Variants in ATP2B2 observed in about 807,000 individuals in gnomAD.
ATP2B2 encodes ATPase plasma membrane Ca2+ transporting 2.
Under a neutral mutation model 120.0 loss-of-function variants are expected in ATP2B2, and 15 were observed. That is an observed-to-expected ratio of 0.12 (90% CI 0.08 to 0.19). The LOEUF is 0.19. ATP2B2 is among the 10% of genes least tolerant of loss of function. The pLI is 1.00. For missense variants in ATP2B2, 1,045 were observed against 1,719.8 expected, an observed-to-expected ratio of 0.61 and a Z score of 6.94; for synonymous variants, 694 against 700.3, an observed-to-expected ratio of 0.99 and a Z score of 0.14.
chr3:10,524,068 T>C (rs969717784), intron 3 of ATP2B2, among the ~76,000 whole-genome samples: 1 of 152,214 alleles, frequency 6.6e-6, no homozygotes, highest in Non-Finnish European at 1.5e-5. Flanking sequence ...CATCCAGAGT[T>C]GGCTGGAGGC....
At chr3:10,433,584 G>A (rs2063388153) in intron 2 of ATP2B2, among the ~76,000 whole-genome samples, 1 of 152,202 alleles carries the variant, frequency 6.6e-6, no homozygotes, top group Non-Finnish European at 1.5e-5. Flanking sequence ...GGTAAAAAGT[G>A]TGTGTCCCCC....
At chr3:10,341,083 G>A (rs749371001) in intron 19 of ATP2B2, among the ~76,000 whole-genome samples, 4 of 152,140 alleles carry the variant, frequency 2.6e-5, no homozygotes, top group African/African-American at 7.2e-5. Flanking sequence ...GCGCTGCCCC[G>A]AGAGTGCTGC....
intron 22 of ATP2B2, among the ~76,000 whole-genome samples, chr3:10,337,463 C>T (rs2060149550): frequency 6.6e-6 from 1 of 152,154 alleles, no homozygotes; most frequent in African/African-American, 2.4e-5. Context: ...ACACCTGCTC[C>T]AGGCATAAGG....
At chr3:10,425,500 G>T (rs566325984) in intron 2 of ATP2B2, among the ~76,000 whole-genome samples, 2 of 152,274 alleles carry the variant, frequency 1.3e-5, no homozygotes, top group East Asian at 3.9e-4. Flanking sequence ...CCCTGAGGGA[G>T]TCACTTCACC....
intron 16 of ATP2B2, among the ~76,000 whole-genome samples, chr3:10,349,251 G>T (rs1253104132): frequency 6.6e-6 from 1 of 152,174 alleles, no homozygotes; most frequent in Non-Finnish European, 1.5e-5. Flanking sequence ...CCAGGAGTTT[G>T]CAACCAGCCT....
intron 1 of ATP2B2, among the ~76,000 whole-genome samples, chr3:10,661,386 G>A (rs1330600972): frequency 6.6e-6 from 1 of 152,164 alleles, no homozygotes; most frequent in Admixed American, 6.5e-5. Context: ...AGCTGAATAA[G>A]CAACTTCAGC....
chr3:10,639,533 C>T (rs1028179249), intron 1 of ATP2B2, among the ~76,000 whole-genome samples: 3 of 152,172 alleles, frequency 2.0e-5, no homozygotes, highest in African/African-American at 7.2e-5. Flanking sequence ...GGGCTTCTCC[C>T]TCAAGACCTA....
intron 2 of ATP2B2, among the ~76,000 whole-genome samples, chr3:10,582,886 C>T (rs1416286957): frequency 2.0e-5 from 3 of 152,232 alleles, no homozygotes; most frequent in African/African-American, 7.2e-5. Flanking sequence ...CTGCATCTAC[C>T]AGCAGCATAG....
rs577495951 is a variant in ATP2B2 at position 10,659,367 on chromosome 3, A to C, written c.-459-39406T>G. 2.0e-5 allele frequency among the ~76,000 whole-genome samples: 3 copies of C among 152,356 alleles called. No individual in the cohort carries two copies. In the East Asian group the frequency reaches 5.8e-4, roughly 29 times the overall value. On this transcript the variant is annotated intron_variant, in intron 1 of 21. Transcript: ENST00000646379. ...GGAAACCCATCTCATGTGCAGAGAC[A>C]CACATAGGCTCAAAATAAAGGGATG...
intron 5 of ATP2B2, among the ~76,000 whole-genome samples, chr3:10,391,915 CTG>C (rs1240402941): frequency 6.6e-6 from 1 of 152,186 alleles, no homozygotes. Flanking sequence ...GCACAGTTCA[CTG>C]GGCCTTGGTG....
chr3:10,584,171 G>A (rs1168791115), intron 2 of ATP2B2, among the ~76,000 whole-genome samples: 1 of 152,142 alleles, frequency 6.6e-6, no homozygotes, highest in East Asian at 1.9e-4. Flanking sequence ...GGGTGGGAGG[G>A]GGCAGAGGCA....
At chr3:10,528,942 A>G (rs1053930740) in intron 3 of ATP2B2, among the ~76,000 whole-genome samples, 1 of 152,198 alleles carries the variant, frequency 6.6e-6, no homozygotes, top group African/African-American at 2.4e-5. Flanking sequence ...GGGGAAGCTT[A>G]GTTAACTTTC....
intron 8 of ATP2B2, among the ~76,000 whole-genome samples, chr3:10,380,135 C>G (rs2061492567): frequency 6.6e-6 from 1 of 152,224 alleles, no homozygotes. Context: ...ATACCAGGGC[C>G]TGGTGCTGCA....
In ATP2B2 at chr3:10,575,820, T is replaced by C. The variant is rs528198652; in HGVS notation, c.-414-41687A>G. 3.3e-5 allele frequency among the ~76,000 whole-genome samples: 5 copies of C among 152,300 alleles called. No homozygotes were observed. In the South Asian group the frequency reaches 1.0e-3, roughly 32 times the overall value. On this transcript the variant is annotated intron_variant, in intron 2 of 21. Transcript: ENST00000646379. ...TGCATTTGGGAGTTTTGCCCAAATCTATGGGCTTCTAGGATAACCTAGAGA... is the reference window on the plus strand; with the variant it reads ...TGCATTTGGGAGTTTTGCCCAAATCCATGGGCTTCTAGGATAACCTAGAGA...
chr3:10,582,503 A>T (rs2068414690), intron 2 of ATP2B2, among the ~76,000 whole-genome samples: 2 of 152,212 alleles, frequency 1.3e-5, no homozygotes, highest in South Asian at 4.1e-4. Context: ...AACTATCGAG[A>T]TCATTGCAGA....
At chr3:10,667,588 T>C (rs113545873) in intron 1 of ATP2B2, among the ~76,000 whole-genome samples, 1,567 of 152,302 alleles carry the variant, frequency 0.01, 27 homozygotes, top group African/African-American at 0.035. Context: ...CTGGAGACTT[T>C]CACAGGGACC....
intron 2 of ATP2B2, among the ~76,000 whole-genome samples, chr3:10,610,980 C>T (rs1405877662): frequency 6.6e-6 from 1 of 152,328 alleles, no homozygotes; most frequent in East Asian, 1.9e-4. Flanking sequence ...CTGACAGTCC[C>T]TCTCAGCAGG....
At chr3:10,434,430 A>G (rs2063414494) in intron 2 of ATP2B2, among the ~76,000 whole-genome samples, 1 of 152,220 alleles carries the variant, frequency 6.6e-6, no homozygotes, top group Admixed American at 6.5e-5. Context: ...TGGGAGCCAC[A>G]GGGTTTTCAG....
intron 1 of ATP2B2, among the ~76,000 whole-genome samples, chr3:10,699,560 G>A (rs1010600750): frequency 3.9e-5 from 6 of 152,012 alleles, no homozygotes; most frequent in African/African-American, 1.4e-4. Context: ...TTTCTTTTTT[G>A]TATTTTTCAA....
Sources: allele counts gnomAD v4.1 joint callset (sites outside exome capture counted in the v4.1 genomes callset), GRCh38; gene constraint gnomAD v4.1.1; transcripts MANE v1.5; gene names NCBI Gene and HGNC (gene_info 2026-07-23, HGNC 2026-07-21).